Variants in PPFIBP1 observed in about 807,000 individuals in gnomAD.
PPFIBP1 encodes PPFIB scaffold protein 1.
In PPFIBP1, 112 loss-of-function variants were observed where a neutral mutation model predicts 137.8. The observed-to-expected ratio is 0.81, with a 90% CI of 0.70 to 0.95. The LOEUF is 0.95. Among genes scored for constraint, PPFIBP1 ranks in the 40% least tolerant of loss-of-function variants. The pLI, the probability that PPFIBP1 is intolerant of heterozygous loss-of-function variation, is 0.00. For missense variants in PPFIBP1, 1,083 were observed against 1,196.6 expected, an observed-to-expected ratio of 0.91 and a Z score of 1.40; for synonymous variants, 378 against 417.3, an observed-to-expected ratio of 0.91 and a Z score of 1.15.
At chr12:27,597,375 C>T (rs1370860612) in intron 2 of PPFIBP1, among the ~76,000 whole-genome samples, 1 of 152,098 alleles carries the variant, frequency 6.6e-6, no homozygotes, top group Non-Finnish European at 1.5e-5. Flanking sequence ...AGGCTGGTCC[C>T]GAACCCCTGA....
At chr12:27,688,142 C>A in intron 25 of PPFIBP1, 156 bp from the exon 26 acceptor site, 1 of 870,676 alleles carries the variant, frequency 1.1e-6, no homozygotes, top group South Asian at 1.8e-5. Context: ...TATAAGAAAG[C>A]TTGAAACTCA....
At position 27,658,765 on chromosome 12, in the gene PPFIBP1, T is replaced by G. The variant is rs368899945; in HGVS notation, c.812-51T>G. On this transcript the variant is annotated intron_variant, in intron 9 of 29. Transcript: ENST00000228425. The stretch of plus-strand genomic sequence containing the variant: ...AATAGTAGTGATTTAAAAATATTAC[T>G]TATTGTTGTAATGTATGCTAACTTC... The G allele has an allele frequency of 5.9e-6, 9 of 1,533,448 alleles. No individual in the cohort carries two copies. The African/African-American group carries it at 1.1e-4, about 19-fold the overall frequency. 95.0% of individuals were successfully genotyped at this position (1,533,448 alleles called of 1,614,324 possible).
chr12:27,583,257 G>A (rs1277843310), intron 2 of PPFIBP1, among the ~76,000 whole-genome samples: 2 of 152,162 alleles, frequency 1.3e-5, no homozygotes, highest in Non-Finnish European at 2.9e-5. Context: ...CCTTGGGGAA[G>A]AGTTAAGAAG....
intron 8 of PPFIBP1, chr12:27,655,321 G>A (rs1252307661): frequency 2.2e-6 from 2 of 928,622 alleles, no homozygotes; most frequent in Non-Finnish European, 3.3e-6. Flanking sequence ...TTAGTGGCAT[G>A]TGCATTCATT....
At chr12:27,636,036 C>T (rs988766316) in intron 4 of PPFIBP1, 7 of 152,296 alleles carry the variant, frequency 4.6e-5, no homozygotes, top group African/African-American at 1.4e-4. Context: ...ATGAAAGAAT[C>T]GTGATCTACT....
chr12:27,537,311 T>G (rs1945141744), intron 1 of PPFIBP1, among the ~76,000 whole-genome samples: 1 of 152,166 alleles, frequency 6.6e-6, no homozygotes, highest in Non-Finnish European at 1.5e-5. Flanking sequence ...TTTTGTGTTT[T>G]TAGTAGAGAT....
At position 27,600,058 on chromosome 12, in the gene PPFIBP1, G is replaced by A. The variant is rs1416090208; in HGVS notation, c.-36+21819G>A. ...TACTATGGCTGTGTAAGAGGTTAAC[G>A]TTAGTGGTGTAAGCTGAGAGGTATA... On this transcript the variant is annotated intron_variant, in intron 2 of 29. Coordinates refer to ENST00000228425, the MANE Select transcript of PPFIBP1 (RefSeq NM_003622.4). Among the ~76,000 whole-genome samples the A allele has an allele frequency of 3.9e-5, 6 of 152,286 alleles. No homozygotes were observed. In the South Asian group the frequency reaches 8.3e-4, roughly 21 times the overall value.
At position 27,694,832 on chromosome 12, in the gene PPFIBP1, G is replaced by A. The variant is rs757607076; in HGVS notation, c.*1950G>A. 2.6e-5 allele frequency: 4 copies of A among 152,150 alleles called. No individual in the cohort carries two copies. The highest frequency in any genetic ancestry group is 4.8e-5 in the African/African-American group (2 of 41,420). 9.4% of individuals were successfully genotyped at this position (152,150 alleles called of 1,614,324 possible). A position where few individuals can be genotyped will look rare whatever the true frequency, so the allele number is the denominator to read the frequency against. On this transcript the variant is annotated 3_prime_UTR_variant, in exon 30 of 30. Coordinates refer to ENST00000228425, the MANE Select transcript of PPFIBP1 (RefSeq NM_003622.4). ...GTGGGCGGTTCAGTATCTGCCACTGGACTTGATTATAAACTGTATTTGAAT... is the reference window on the plus strand; with the variant it reads ...GTGGGCGGTTCAGTATCTGCCACTGAACTTGATTATAAACTGTATTTGAAT...
intron 19 of PPFIBP1, among the ~76,000 whole-genome samples, chr12:27,678,284 A>G (rs1423121697): frequency 6.6e-6 from 1 of 152,224 alleles, no homozygotes; most frequent in Admixed American, 6.5e-5. Flanking sequence ...TAATGCTTGG[A>G]GATCTGAGAG....
intron 1 of PPFIBP1, among the ~76,000 whole-genome samples, chr12:27,564,017 T>C (rs28662872): frequency 0.98 from 149,043 of 152,098 alleles, 73,095 homozygotes; most frequent in East Asian, 1. Context: ...GGACTACAGG[T>C]GCGTGCCACC....
intron 2 of PPFIBP1, among the ~76,000 whole-genome samples, chr12:27,589,929 A>G (rs2052288036): frequency 6.6e-6 from 1 of 152,146 alleles, no homozygotes; most frequent in Non-Finnish European, 1.5e-5. Context: ...TAGATTTCTC[A>G]GTTGATAGGT....
At chr12:27,581,914 CAGAT>C (rs764589409) in intron 2 of PPFIBP1, among the ~76,000 whole-genome samples, 3 of 151,756 alleles carry the variant, frequency 2.0e-5, no homozygotes, top group Non-Finnish European at 1.5e-5. Flanking sequence ...CTTTTACCAT[CAGAT>C]AGAGATTTAG....
At chr12:27,665,103 G>A (rs1316308987) in intron 12 of PPFIBP1, among the ~76,000 whole-genome samples, 5 of 152,106 alleles carry the variant, frequency 3.3e-5, no homozygotes, top group Non-Finnish European at 5.9e-5. Context: ...CAGGAGAATC[G>A]CCTGAACCCG....
intron 9 of PPFIBP1, among the ~76,000 whole-genome samples, chr12:27,658,138 GAA>G (rs56797899): frequency 0.56 from 69,468 of 122,978 alleles, 19,054 homozygotes; most frequent in East Asian, 0.74. Flanking sequence ...TCCTGTCTCT[GAA>G]AAAAAAAAAA....
intron 2 of PPFIBP1, among the ~76,000 whole-genome samples, chr12:27,613,850 CTCT>C (rs2055436388): frequency 6.6e-6 from 1 of 152,144 alleles, no homozygotes; most frequent in African/African-American, 2.4e-5. Flanking sequence ...TTCACCTCCT[CTCT>C]TCTTGGGGTA....
At chr12:27,564,707 T>A (rs1248351574) in intron 1 of PPFIBP1, among the ~76,000 whole-genome samples, 1 of 152,212 alleles carries the variant, frequency 6.6e-6, no homozygotes, top group Non-Finnish European at 1.5e-5. Context: ...GCCAGAAGAA[T>A]TCCAGGGAAA....
At chr12:27,656,971 A>G (rs1329954394) in intron 9 of PPFIBP1, 2 of 354,940 alleles carry the variant, frequency 5.6e-6, no homozygotes, top group Admixed American at 4.6e-5. Flanking sequence ...TAAGATTGCT[A>G]GACTGTAAAT....
intron 2 of PPFIBP1, among the ~76,000 whole-genome samples, chr12:27,598,809 C>T (rs543892708): frequency 3.9e-5 from 6 of 152,244 alleles, no homozygotes; most frequent in South Asian, 2.1e-4. Context: ...ATTAACAATA[C>T]GGCTCATGTT....
chr12:27,581,244 G>T (rs940773489), intron 2 of PPFIBP1, among the ~76,000 whole-genome samples: 7 of 152,238 alleles, frequency 4.6e-5, no homozygotes, highest in Admixed American at 2.0e-4. Flanking sequence ...ATGAAATTTC[G>T]TTTGCCTAAG....
Sources: gnomAD v4.1 joint callset for allele counts (sites outside exome capture counted in the v4.1 genomes callset) on GRCh38, gnomAD v4.1.1 for gene constraint, MANE v1.5 for transcripts, NCBI Gene and HGNC (gene_info 2026-07-23, HGNC 2026-07-21) for gene names.